Variants in ADAMTS12 observed in about 807,000 individuals in gnomAD.
ADAMTS12 encodes ADAM metallopeptidase with thrombospondin type 1 motif 12.
A neutral mutation model predicts 167.8 loss-of-function variants in ADAMTS12; 118 were observed. The observed-to-expected ratio is 0.70, with a 90% CI of 0.61 to 0.82. The LOEUF is 0.82. ADAMTS12 is among the 40% of genes least tolerant of loss of function. The probability of loss-of-function intolerance (pLI) is 0.00; values close to 1 mark genes in which losing one functional copy is unlikely to be tolerated. For missense variants in ADAMTS12, 1,916 were observed against 1,998.8 expected (o/e 0.96, Z 0.79); for synonymous variants, 704 against 716.9 (o/e 0.98, Z 0.29).
chr5:33,782,131 C>T lies in ADAMTS12; in HGVS notation c.490-30583G>A, dbSNP rs566914132. 2.3e-4 allele frequency among the ~76,000 whole-genome samples: 35 copies of T among 151,582 alleles called. No individual in the cohort carries two copies. In the South Asian group the frequency reaches 3.3e-3, roughly 14 times the overall value. ...TTTCTTCTCTTATTTTTTTAAAAAGCCATAAGTATATATAAAGCAATAATG... is the reference window on the plus strand; with the variant it reads ...TTTCTTCTCTTATTTTTTTAAAAAGTCATAAGTATATATAAAGCAATAATG... On this transcript the variant is annotated intron_variant, in intron 2 of 23. Transcript: ENST00000504830.
At position 33,590,709 on chromosome 5, in the gene ADAMTS12, G is replaced by A. The variant is rs530110769; in HGVS notation, c.2655-1900C>T. ...ACCCAGGCTAGTCTCGAACTCCTGCGCTCAAGTAATCCTGCCGCGGCCTCG... is the reference window on the plus strand; with the variant it reads ...ACCCAGGCTAGTCTCGAACTCCTGCACTCAAGTAATCCTGCCGCGGCCTCG... On this transcript the variant is annotated intron_variant, in intron 17 of 23. Transcript: ENST00000504830. 6.1e-4 allele frequency among the ~76,000 whole-genome samples: 93 copies of A among 152,212 alleles called. No homozygotes were observed. In the South Asian group the frequency reaches 0.018, roughly 30 times the overall value.
chr5:33,853,787 T>G (rs541691597), intron 2 of ADAMTS12, among the ~76,000 whole-genome samples: 5 of 152,244 alleles, frequency 3.3e-5, no homozygotes, highest in Admixed American at 1.3e-4. Context: ...CAAATTTTAA[T>G]GCACATACAA....
chr5:33,778,204 TC>T (rs1172203544), intron 2 of ADAMTS12, among the ~76,000 whole-genome samples: 1 of 152,078 alleles, frequency 6.6e-6, no homozygotes, highest in Non-Finnish European at 1.5e-5. Context: ...GAAGACCCCC[TC>T]ATAGTCAAAG....
intron 14 of ADAMTS12, among the ~76,000 whole-genome samples, chr5:33,616,419 A>G (rs1342310615): frequency 1.3e-5 from 2 of 152,202 alleles, no homozygotes; most frequent in Admixed American, 1.3e-4. Flanking sequence ...GCTTCCTGCT[A>G]GTATCTCTGC....
chr5:33,804,068 T>C (rs571951564), intron 2 of ADAMTS12, among the ~76,000 whole-genome samples: 5 of 152,218 alleles, frequency 3.3e-5, no homozygotes, highest in African/African-American at 1.2e-4. Flanking sequence ...GAGACAGATA[T>C]AACACACACC....
intron 17 of ADAMTS12, among the ~76,000 whole-genome samples, chr5:33,589,027 C>A (rs540570128): frequency 6.6e-6 from 1 of 152,190 alleles, no homozygotes. Flanking sequence ...TTGCTAAATA[C>A]GCATGTTTTT....
chr5:33,587,590 G>C (rs148858210), intron 18 of ADAMTS12, among the ~76,000 whole-genome samples: 2,201 of 152,228 alleles, frequency 0.014, 23 homozygotes, highest in Non-Finnish European at 0.022. Flanking sequence ...AAGTAGCTGG[G>C]ACTACAGGCA....
chr5:33,804,704 C>T (rs2112477792), intron 2 of ADAMTS12, among the ~76,000 whole-genome samples: 1 of 152,162 alleles, frequency 6.6e-6, no homozygotes, highest in Middle Eastern at 3.4e-3. Flanking sequence ...ATGATAGAGC[C>T]AAAAGGAAGA....
chr5:33,668,775 C>T (rs1741568550), intron 5 of ADAMTS12, among the ~76,000 whole-genome samples: 1 of 152,226 alleles, frequency 6.6e-6, no homozygotes, highest in African/African-American at 2.4e-5. Context: ...TGAGCCTCCA[C>T]ACCCGGCCTC....
At chr5:33,774,435 A>C (rs1474651536) in intron 2 of ADAMTS12, among the ~76,000 whole-genome samples, 3 of 152,190 alleles carry the variant, frequency 2.0e-5, no homozygotes, top group Non-Finnish European at 4.4e-5. Context: ...TTATGAAAAA[A>C]AAATCAAAAC....
chr5:33,728,905 T>C (rs1425039748), intron 3 of ADAMTS12, among the ~76,000 whole-genome samples: 1 of 152,296 alleles, frequency 6.6e-6, no homozygotes, highest in Non-Finnish European at 1.5e-5. Flanking sequence ...TATATGCTTA[T>C]ATAAATGCAC....
chr5:33,617,378 G>A (rs1174437855), intron 14 of ADAMTS12, among the ~76,000 whole-genome samples: 1 of 152,142 alleles, frequency 6.6e-6, no homozygotes, highest in African/African-American at 2.4e-5. Context: ...CGCTAAAGAA[G>A]TATGGGGTCC....
intron 2 of ADAMTS12, among the ~76,000 whole-genome samples, chr5:33,835,910 TC>T (rs1476080726): frequency 1.4e-3 from 51 of 35,236 alleles, no homozygotes; most frequent in African/African-American, 4.7e-3. Flanking sequence ...AATATCCATC[TC>T]TCTCTCTCTC....
chr5:33,829,795 T>A (rs1026298249), intron 2 of ADAMTS12, among the ~76,000 whole-genome samples: 2 of 152,126 alleles, frequency 1.3e-5, no homozygotes, highest in African/African-American at 4.8e-5. Context: ...AATGGCCCTT[T>A]CCAGTCCCAC....
At chr5:33,885,323 G>T (rs1034152637) in intron 1 of ADAMTS12, among the ~76,000 whole-genome samples, 4 of 152,064 alleles carry the variant, frequency 2.6e-5, no homozygotes, top group African/African-American at 9.7e-5. Context: ...GAAATAATGG[G>T]TAAGAGTACA....
intron 16 of ADAMTS12, among the ~76,000 whole-genome samples, chr5:33,605,038 T>C (rs1738368177): frequency 2.6e-5 from 4 of 152,234 alleles, no homozygotes; most frequent in Admixed American, 2.6e-4. Context: ...TAATTAGACA[T>C]ATATAAAAAT....
chr5:33,816,306 T>G (rs1234666047), intron 2 of ADAMTS12, among the ~76,000 whole-genome samples: 1 of 152,192 alleles, frequency 6.6e-6, no homozygotes, highest in Non-Finnish European at 1.5e-5. Context: ...ATGCAGTACC[T>G]AACAGTTTTT....
intron 2 of ADAMTS12, among the ~76,000 whole-genome samples, chr5:33,812,504 C>T (rs186268143): frequency 1.3e-5 from 2 of 152,202 alleles, no homozygotes; most frequent in African/African-American, 4.8e-5. Context: ...AACAGAGAAG[C>T]TTCCTTCACA....
At chr5:33,797,504 A>G (rs1241025277) in intron 2 of ADAMTS12, among the ~76,000 whole-genome samples, 1 of 149,992 alleles carries the variant, frequency 6.7e-6, no homozygotes, top group Non-Finnish European at 1.5e-5. Flanking sequence ...AGAGGGACAC[A>G]GCGAGATTGA....
Sources: gnomAD v4.1 joint callset for allele counts (sites outside exome capture counted in the v4.1 genomes callset) on GRCh38, gnomAD v4.1.1 for gene constraint, MANE v1.5 for transcripts, NCBI Gene and HGNC (gene_info 2026-07-23, HGNC 2026-07-21) for gene names.